ATR: variants seen among roughly 807,000 people sequenced by gnomAD.
ATR encodes ATR checkpoint kinase.
A neutral mutation model predicts 305.3 loss-of-function variants in ATR; 142 were observed. The ratio of observed to expected loss-of-function variants is 0.47; its 90% CI spans 0.41 to 0.53. The LOEUF (loss-of-function observed/expected upper bound fraction) is 0.53. Among genes scored for constraint, ATR ranks in the 20% least tolerant of loss-of-function variants. The pLI is 0.00. For missense variants in ATR, 2,135 were observed against 3,133.1 expected (o/e 0.68, Z 7.60); for synonymous variants, 1,050 against 1,068.1 (o/e 0.98, Z 0.33).
Position 142,502,013 on chromosome 3 carries a change from C to T in ATR, c.5288+1349G>A, listed in dbSNP as rs7644719. Among the ~76,000 whole-genome samples the T allele has an allele frequency of 4.9e-3, 751 of 152,244 alleles. 5 individuals are homozygous for T. Among genetic ancestry groups the T allele is most frequent in the African/African-American group, 0.016 (683 of 41,532 alleles). On this transcript the variant is annotated intron_variant, in intron 30 of 46. Transcript: ENST00000350721. ...ACACCCGCCTTGGCCTCCCAGAGTG[C>T]TGCAATTACAGGCATGAGCCACCAC...
In ATR at chr3:142,556,517, G is replaced by A. The variant is rs774597450; in HGVS notation, c.1944C>T (p.Phe648=). The A allele has an allele frequency of 1.9e-6, 3 of 1,614,026 alleles. No homozygotes were observed. Among genetic ancestry groups the A allele is most frequent in the Non-Finnish European group, 2.5e-6 (3 of 1,179,972 alleles). The change falls in exon 9 of 47, where the codon TTC becomes TTT. Residue 648 remains phenylalanine, a synonymous_variant. Coordinates refer to ENST00000350721, the MANE Select transcript of ATR (RefSeq NM_001184.4). ...FLLTLFPRRI[F]LEWRTAVYNW... is the part of the protein sequence containing the mutation. ...TGTAAACTGCTGTTCTCCACTCAAG[G>A]AATATTCTTCTTGGAAACAGAGTCA...
rs926279240 is a variant in ATR at position 142,553,164 on chromosome 3, C to CT, written c.2805+62dup. ...AAATAAAACATGTATAAATATTCTT[C>CT]TTTTTTGTAACTCTTAAAAAGTACT... is the stretch of plus-strand genomic sequence containing the variant. On this transcript the variant is annotated intron_variant, in intron 13 of 46. Coordinates refer to ENST00000350721, the MANE Select transcript of ATR (RefSeq NM_001184.4). The CT allele has an allele frequency of 1.3e-5, 20 of 1,552,362 alleles. No individual in the cohort carries two copies. In the Admixed American group the frequency reaches 2.8e-4, roughly 22 times the overall value.
At chr3:142,554,197 T>C (rs1217081065) in intron 10 of ATR, among the ~76,000 whole-genome samples, 182 bp from the exon 11 acceptor site, 1 of 152,178 alleles carries the variant, frequency 6.6e-6, no homozygotes, top group African/African-American at 2.4e-5. Flanking sequence ...TACTTATAAA[T>C]TAAAATTACT....
intron 35 of ATR, 91 bp downstream of exon 35, chr3:142,493,041 G>GT: frequency 7.0e-7 from 1 of 1,426,336 alleles, no homozygotes; most frequent in Non-Finnish European, 9.5e-7. Context: ...AAATTTCCTG[G>GT]TTATTTTTAT....
intron 21 of ATR, among the ~76,000 whole-genome samples, chr3:142,531,869 C>A (rs548626860): frequency 8.4e-4 from 128 of 152,330 alleles, no homozygotes; most frequent in African/African-American, 2.8e-3. Flanking sequence ...TACAGTCCCA[C>A]CAACAGTGTA....
intron 36 of ATR, among the ~76,000 whole-genome samples, chr3:142,477,788 A>C (rs1003415810): frequency 2.0e-5 from 3 of 152,154 alleles, no homozygotes; most frequent in Non-Finnish European, 2.9e-5. Context: ...TTGGTCCATT[A>C]AGAGATTCAA....
At position 142,536,201 on chromosome 3, in the gene ATR, C is replaced by T; in HGVS notation, c.3726G>A (p.Arg1242=). The part of the protein sequence containing the change: ...AIFHYLIIEN[R]DAVQDFLHEI... Reference sequence around the variant, plus strand: ...CATGAAGAAAATCTTGCACAGCATCCCTAATAGTTAGTTGGAATAAAAAGA... The same window carrying T: ...CATGAAGAAAATCTTGCACAGCATCTCTAATAGTTAGTTGGAATAAAAAGA... The change falls in exon 20 of 47, where the codon AGG becomes AGA. Residue 1242 remains arginine, a splice_region_variant and synonymous_variant. Transcript: ENST00000350721. The T allele has an allele frequency of 1.9e-6, 3 of 1,551,016 alleles. No homozygotes were observed. Among genetic ancestry groups the T allele is most frequent in the Non-Finnish European group, 2.7e-6 (3 of 1,123,876 alleles).
intron 24 of ATR, among the ~76,000 whole-genome samples, chr3:142,517,504 A>C (rs182421172): frequency 1.4e-4 from 21 of 152,298 alleles, no homozygotes; most frequent in Non-Finnish European, 2.5e-4. Flanking sequence ...CTGGTATTTT[A>C]GTTTTTCATA....
At chr3:142,572,263 G>A (rs1044554063) in intron 1 of ATR, among the ~76,000 whole-genome samples, 1 of 150,004 alleles carries the variant, frequency 6.7e-6, no homozygotes, top group Non-Finnish European at 1.5e-5. Flanking sequence ...TAGAGACGGG[G>A]TTGCACCATG....
At chr3:142,578,105 T>G (rs979246150) in intron 1 of ATR, among the ~76,000 whole-genome samples, 3 of 152,158 alleles carry the variant, frequency 2.0e-5, no homozygotes, top group African/African-American at 4.8e-5. Context: ...CTTCAGTATG[T>G]ACTATGACTT....
intron 18 of ATR, among the ~76,000 whole-genome samples, chr3:142,539,720 AG>A (rs1577660060): frequency 6.6e-6 from 1 of 152,250 alleles, no homozygotes; most frequent in East Asian, 1.9e-4. Context: ...CAGCTTCCTA[AG>A]CAGCTGGGAC....
chr3:142,468,152 T>C (rs1395503911), intron 38 of ATR, 84 bp from the exon 39 acceptor site: 4 of 1,487,162 alleles, frequency 2.7e-6, no homozygotes, highest in Non-Finnish European at 3.7e-6. Context: ...ACAAAAAACT[T>C]AAAAAGTATT....
chr3:142,551,597 G>A (rs1193749363), intron 13 of ATR, among the ~76,000 whole-genome samples: 1 of 152,104 alleles, frequency 6.6e-6, no homozygotes, highest in Admixed American at 6.6e-5. Context: ...TTAATAAATG[G>A]TGCTGGGAGA....
chr3:142,514,495 G>T (rs1334351018), intron 25 of ATR, among the ~76,000 whole-genome samples: 1 of 151,232 alleles, frequency 6.6e-6, no homozygotes, highest in Non-Finnish European at 1.5e-5. Flanking sequence ...TTAGCCGGGC[G>T]TGGTGGTGGG....
Position 142,553,834 on chromosome 3 carries a change from A to C in ATR, c.2523T>G (p.Phe841Leu), listed in dbSNP as rs2034567618. 6.2e-7 allele frequency: 1 copy of C among 1,613,450 alleles called. No individual in the cohort carries two copies. Among genetic ancestry groups the C allele is most frequent in the African/African-American group, 1.3e-5 (1 of 74,914 alleles). Residue 841 changes from phenylalanine to leucine, a missense_variant, in exon 11 of 47, where the codon TTT (phenylalanine) becomes TTG (leucine). Coordinates refer to ENST00000350721, the MANE Select transcript of ATR (RefSeq NM_001184.4). Reference sequence around the variant, plus strand: ...AACAAAAATTATCAACCTCCTTTATAAATCCATCTTCAGAGTCCAAGGATT... The same window carrying C: ...AACAAAAATTATCAACCTCCTTTATCAATCCATCTTCAGAGTCCAAGGATT... Reference protein sequence around the residue: ...ILESLDSEDGFIKELFVLRMK... With the variant: ...ILESLDSEDGLIKELFVLRMK...
Position 142,459,232 on chromosome 3 carries a change from T to G in ATR, c.7344A>C (p.Thr2448=). 6.2e-7 allele frequency: 1 copy of G among 1,614,024 alleles called. No individual in the cohort carries two copies. The highest frequency in any genetic ancestry group is 8.5e-7 in the Non-Finnish European group (1 of 1,179,888). Residue 2448 remains threonine, a synonymous_variant, in exon 43 of 47, where the codon ACA becomes ACC. Transcript: ENST00000350721. ...EWFLRTFPDP[T]SWYSSRSAYC... ...TTATATTCTTGGTAACTTACCATGATGTAGGATCAGGGAATGTTCTCAGAA... is the reference window on the plus strand; with the variant it reads ...TTATATTCTTGGTAACTTACCATGAGGTAGGATCAGGGAATGTTCTCAGAA...
chr3:142,508,740 G>A (rs1414591727), intron 27 of ATR, among the ~76,000 whole-genome samples: 3 of 152,020 alleles, frequency 2.0e-5, no homozygotes. Flanking sequence ...CGGCTAACAC[G>A]GTGAAACCCC....
At chr3:142,540,872 A>C in intron 18 of ATR, 32 bp downstream of exon 18, 2 of 1,562,442 alleles carry the variant, frequency 1.3e-6, no homozygotes, top group Non-Finnish European at 1.7e-6. Context: ...TGCAAAAAAA[A>C]AAAAAATTAA....
chr3:142,465,321 T>TAAAA, intron 40 of ATR, 81 bp from the exon 41 acceptor site: 1 of 840,736 alleles, frequency 1.2e-6, no homozygotes, highest in Non-Finnish European at 1.7e-6. Context: ...TTGAGTTATG[T>TAAAA]AAAAAAAAAA....
Sources: allele counts gnomAD v4.1 joint callset (sites outside exome capture counted in the v4.1 genomes callset), GRCh38; gene constraint gnomAD v4.1.1; transcripts MANE v1.5; gene names NCBI Gene and HGNC (gene_info 2026-07-23, HGNC 2026-07-21).